NKAIN3: variants seen among roughly 807,000 people sequenced by gnomAD.
The protein encoded by NKAIN3 is sodium/potassium-transporting ATPase subunit beta-1-interacting protein 3.
A neutral mutation model predicts 30.2 loss-of-function variants in NKAIN3; 25 were observed. The ratio of observed to expected loss-of-function variants is 0.83; its 90% CI spans 0.60 to 1.16. The LOEUF (loss-of-function observed/expected upper bound fraction) is 1.16, where lower values mean the gene tolerates loss of function less well. Ranked by LOEUF, NKAIN3 falls within the 50% of genes most tolerant of loss-of-function variation. NKAIN3 has a pLI of 0.00. For synonymous variants in NKAIN3, 91 were observed against 89.6 expected (o/e 1.02, Z -0.09); for missense variants, 225 against 254.1 (o/e 0.89, Z 0.78).
At chr8:62,412,326 A>AAG (rs397759974) in intron 1 of NKAIN3, among the ~76,000 whole-genome samples, 1 of 151,946 alleles carries the variant, frequency 6.6e-6, no homozygotes, top group Non-Finnish European at 1.5e-5. Context: ...ACAAAAAAAA[A>AAG]CAGTGGGGAA....
intron 1 of NKAIN3, among the ~76,000 whole-genome samples, chr8:62,358,161 A>G (rs529024359): frequency 1.3e-5 from 2 of 150,696 alleles, no homozygotes; most frequent in Non-Finnish European, 3.0e-5. Flanking sequence ...AAAGGCCTGA[A>G]TTATGTCACT....
At position 62,624,103 on chromosome 8, in the gene NKAIN3, T is replaced by C. The variant is rs189497679; in HGVS notation, c.273+34309T>C. Among the ~76,000 whole-genome samples the C allele has an allele frequency of 1.7e-3, 254 of 152,212 alleles. 1 individual carries two copies. The highest frequency in any genetic ancestry group is 2.8e-3 in the Non-Finnish European group (191 of 68,000). On this transcript the variant is annotated intron_variant, in intron 3 of 6. Coordinates refer to ENST00000623646, the MANE Select transcript of NKAIN3 (RefSeq NM_001304533.3). ...TATCCTTTAGCATGAAAATACATTGTAATTATTGTGTAATGACCAGTGAGG... is the reference window on the plus strand; with the variant it reads ...TATCCTTTAGCATGAAAATACATTGCAATTATTGTGTAATGACCAGTGAGG...
intron 1 of NKAIN3, among the ~76,000 whole-genome samples, chr8:62,251,372 T>C (rs555060260): frequency 1.9e-4 from 29 of 151,920 alleles, no homozygotes; most frequent in African/African-American, 6.5e-4. Flanking sequence ...ATGATAGCAA[T>C]AGTAAAATAT....
chr8:62,772,576 G>A (rs184975587), intron 4 of NKAIN3, among the ~76,000 whole-genome samples: 38 of 151,794 alleles, frequency 2.5e-4, no homozygotes, highest in African/African-American at 2.4e-5. Flanking sequence ...TTTCTCTGAC[G>A]TTCAGTGATG....
At chr8:62,456,467 C>G (rs549904002) in intron 1 of NKAIN3, among the ~76,000 whole-genome samples, 1 of 151,558 alleles carries the variant, frequency 6.6e-6, no homozygotes, top group Non-Finnish European at 1.5e-5. Flanking sequence ...TGTAGTGAGC[C>G]GAGATGGCGC....
intron 4 of NKAIN3, among the ~76,000 whole-genome samples, chr8:62,899,077 A>G (rs1262678549): frequency 6.6e-6 from 1 of 152,204 alleles, no homozygotes; most frequent in African/African-American, 2.4e-5. Context: ...AAGAATAGTA[A>G]TAACAAATGC....
At chr8:62,660,507 G>C (rs1339642172) in intron 3 of NKAIN3, among the ~76,000 whole-genome samples, 1 of 151,912 alleles carries the variant, frequency 6.6e-6, no homozygotes, top group Admixed American at 6.6e-5. Flanking sequence ...TATTAGTAGA[G>C]ACGAAGACCC....
downstream of NKAIN3, among the ~76,000 whole-genome samples, chr8:62,985,377 A>G (rs989142126): frequency 1.3e-5 from 2 of 152,198 alleles, no homozygotes; most frequent in Non-Finnish European, 2.9e-5. Flanking sequence ...TCAGGTACCA[A>G]TGAGTCCAGA....
At chr8:62,798,567 GT>G (rs1292359012) in intron 4 of NKAIN3, among the ~76,000 whole-genome samples, 12 of 140,822 alleles carry the variant, frequency 8.5e-5, no homozygotes, top group African/African-American at 3.3e-4. Flanking sequence ...GTGAGACTCC[GT>G]CCCCCCCAAA....
intron 1 of NKAIN3, among the ~76,000 whole-genome samples, chr8:62,295,663 A>T (rs1196973543): frequency 6.6e-6 from 1 of 152,206 alleles, no homozygotes; most frequent in African/African-American, 2.4e-5. Flanking sequence ...ACTTTATCTA[A>T]CAAAAAGAGA....
rs1272172369 is a variant in NKAIN3, at chr8:62,968,157, C to T, written c.*2750C>T. The stretch of plus-strand genomic sequence containing the variant: ...TTAGATTGATCTGCCACCTCCTCTT[C>T]TCTCTTTTCTTCTCCCTGCCTTTCA... On this transcript the variant is annotated 3_prime_UTR_variant, in exon 7 of 7. Transcript: ENST00000623646. Among the ~76,000 whole-genome samples, 2 of 152,214 alleles carry T rather than the reference C, an allele frequency of 1.3e-5. No individual in the cohort carries two copies. Among genetic ancestry groups the T allele is most frequent in the African/African-American group, 4.8e-5 (2 of 41,458 alleles).
At chr8:62,845,304 T>TATATATATATAC (rs1819652736) in intron 4 of NKAIN3, among the ~76,000 whole-genome samples, 2 of 140,248 alleles carry the variant, frequency 1.4e-5, no homozygotes, top group Admixed American at 1.4e-4. Context: ...TATATATATA[T>TATATATATATAC]ATATATATAG....
intron 1 of NKAIN3, among the ~76,000 whole-genome samples, chr8:62,281,881 G>A (rs2129396742): frequency 6.6e-6 from 1 of 152,142 alleles, no homozygotes; most frequent in Admixed American, 6.6e-5. Flanking sequence ...GAGTTCTGAT[G>A]ACAAATATCA....
chr8:62,370,904 G>C (rs558946937), intron 1 of NKAIN3, among the ~76,000 whole-genome samples: 1 of 151,936 alleles, frequency 6.6e-6, no homozygotes, highest in African/African-American at 2.4e-5. Context: ...ACCAATGAAA[G>C]TAGATGCACC....
Position 62,527,715 on chromosome 8 carries a change from G to A in NKAIN3, c.55-51824G>A, listed in dbSNP as rs140033287. ...TATATTTATCTCTCCAATCCAATCA[G>A]GACCCAGTAATCAACATTAATCAGA... On this transcript the variant is annotated intron_variant, in intron 1 of 6. Transcript: ENST00000623646. Among the ~76,000 whole-genome samples, 543 of 152,176 alleles carry A rather than the reference G, an allele frequency of 3.6e-3. 2 individuals are homozygous for A. The highest frequency in any genetic ancestry group is 0.013 in the African/African-American group (521 of 41,512).
At chr8:62,545,943 TTACTAATACTGAATATTGTTAATC>T (rs1332568875) in intron 1 of NKAIN3, among the ~76,000 whole-genome samples, 2 of 152,210 alleles carry the variant, frequency 1.3e-5, no homozygotes. Flanking sequence ...CTTCAAACTC[TTACTAATACTGAATATTGTTAATC>T]TTTAAACATT....
chr8:62,294,065 C>T (rs539540541), intron 1 of NKAIN3, among the ~76,000 whole-genome samples: 2 of 152,302 alleles, frequency 1.3e-5, no homozygotes, highest in South Asian at 4.1e-4. Context: ...CCTGGCATGC[C>T]GTTTGCTAAG....
At chr8:62,642,515 A>C (rs940140837) in intron 3 of NKAIN3, among the ~76,000 whole-genome samples, 2 of 152,056 alleles carry the variant, frequency 1.3e-5, no homozygotes, top group Admixed American at 1.3e-4. Context: ...CATTTTTATA[A>C]TTTATTCCCC....
chr8:62,646,980 AGTTCTT>A (rs1479737219), intron 3 of NKAIN3, among the ~76,000 whole-genome samples: 5 of 152,146 alleles, frequency 3.3e-5, no homozygotes, highest in African/African-American at 1.2e-4. Flanking sequence ...AACTTGGATG[AGTTCTT>A]AATTTACTCA....
Sources: allele counts gnomAD v4.1 joint callset (sites outside exome capture counted in the v4.1 genomes callset), GRCh38; gene constraint gnomAD v4.1.1; transcripts MANE v1.5; gene names NCBI Gene and HGNC (gene_info 2026-07-23, HGNC 2026-07-21).